Variants in FER observed in about 807,000 individuals in gnomAD.
FER encodes tyrosine-protein kinase Fer.
In FER, 63 loss-of-function variants were observed where a neutral mutation model predicts 111.0. The observed-to-expected ratio is 0.57, with a 90% CI of 0.46 to 0.70. FER has a LOEUF of 0.70. Ranked by LOEUF, FER falls within the 30% of genes least tolerant of loss-of-function variation. The pLI is 0.00. For synonymous variants in FER, 327 were observed against 313.9 expected, an observed-to-expected ratio of 1.04 and a Z score of -0.44; for missense variants, 914 against 954.0, an observed-to-expected ratio of 0.96 and a Z score of 0.55.
intron 5 of FER, among the ~76,000 whole-genome samples, chr5:108,844,988 GTGTGTGTGTATATATATATATATA>G (rs1761730793): frequency 3.1e-5 from 1 of 31,750 alleles, no homozygotes; most frequent in Admixed American, 3.0e-4. Flanking sequence ...TTGCTGGTGT[GTGTGTGTGTATATATATATATATA>G]TATATATATA....
intron 13 of FER, among the ~76,000 whole-genome samples, chr5:109,024,661 C>A (rs1581697101): frequency 6.6e-6 from 1 of 152,248 alleles, no homozygotes; most frequent in East Asian, 1.9e-4. Flanking sequence ...ACCGTCTAAT[C>A]CCCCTTTCTT....
chr5:108,759,869 T>C (rs1233275669), intron 1 of FER, among the ~76,000 whole-genome samples: 1 of 152,156 alleles, frequency 6.6e-6, no homozygotes. Flanking sequence ...AAGTTTTCAA[T>C]ACATGAATTA....
chr5:108,959,327 C>G lies in FER; in HGVS notation c.1636C>G (p.Leu546Val), dbSNP rs747486182. ...CATCACTAAGAAATCAGGTGTAGTTCTGCTGAATCCTATTCCTAAGGTAGG... is the reference window on the plus strand; with the variant it reads ...CATCACTAAGAAATCAGGTGTAGTTGTGCTGAATCCTATTCCTAAGGTAGG... Reference protein sequence around the residue: ...QVITKKSGVVLLNPIPKDKKW... With the variant: ...QVITKKSGVVVLNPIPKDKKW... The change falls in exon 13 of 20, where the codon CTG (leucine) becomes GTG (valine). Residue 546 changes from leucine (L) to valine (V), a missense_variant. Leu to Val is a conservative substitution (Grantham distance 32, BLOSUM62 1). This residue lies in a region of FER where 774 missense variants were observed against 782.6 expected (regional missense o/e 0.99). Transcript: ENST00000281092. 6.2e-7 allele frequency: 1 copy of G among 1,611,098 alleles called. No homozygotes were observed. The highest frequency in any genetic ancestry group is 1.1e-5 in the South Asian group (1 of 90,746).
At chr5:108,940,299 C>T (rs1324007402) in intron 10 of FER, among the ~76,000 whole-genome samples, 3 of 151,854 alleles carry the variant, frequency 2.0e-5, no homozygotes, top group Admixed American at 1.3e-4. Flanking sequence ...TTATGTTTTC[C>T]TGCTTTATAA....
At position 108,959,285 on chromosome 5, in the gene FER, T is replaced by G; in HGVS notation, c.1594T>G (p.Tyr532Asp). ...SNIPQLIDHH[Y>D]TTKQVITKKS... ...CATTCCTCAACTTATAGATCATCAC[T>G]ATACAACAAAACAGGTCATCACTAA... Residue 532 changes from tyrosine (Y) to aspartate (D), a missense_variant, in exon 13 of 20, where the codon TAT becomes GAT. Around this residue, in one of 3 missense-constraint regions of FER, gnomAD observed 774 missense variants for 782.6 expected, o/e 0.99. Coordinates refer to ENST00000281092, the MANE Select transcript of FER (RefSeq NM_005246.4). 1 of 1,612,130 alleles carries G rather than the reference T, an allele frequency of 6.2e-7. No homozygotes were observed. Among genetic ancestry groups the G allele is most frequent in the Non-Finnish European group, 8.5e-7 (1 of 1,178,772 alleles).
intron 3 of FER, among the ~76,000 whole-genome samples, chr5:108,805,915 C>A (rs1302039093): frequency 6.6e-6 from 1 of 152,090 alleles, no homozygotes; most frequent in African/African-American, 2.4e-5. Flanking sequence ...GAGAGAAATT[C>A]AAGAAATTTG....
At chr5:109,151,447 G>GT (rs1166753242) in intron 17 of FER, among the ~76,000 whole-genome samples, 1 of 152,048 alleles carries the variant, frequency 6.6e-6, no homozygotes, top group East Asian at 1.9e-4. Flanking sequence ...TTCACCCAAG[G>GT]TAAAAGATGA....
intron 13 of FER, among the ~76,000 whole-genome samples, chr5:109,007,534 C>G (rs1165464953): frequency 6.6e-6 from 1 of 152,138 alleles, no homozygotes; most frequent in Non-Finnish European, 1.5e-5. Flanking sequence ...AGTATGTGCT[C>G]TTTTCAATTT....
At chr5:108,795,338 C>CT (rs1360090592) in intron 2 of FER, among the ~76,000 whole-genome samples, 1 of 151,714 alleles carries the variant, frequency 6.6e-6, no homozygotes, top group African/African-American at 2.4e-5. Flanking sequence ...AAACTTTCCC[C>CT]TTTTGAGACT....
At chr5:108,871,641 T>A in intron 7 of FER, 139 bp downstream of exon 7, 1 of 598,136 alleles carries the variant, frequency 1.7e-6, no homozygotes, top group Non-Finnish European at 2.6e-6. Context: ...TATCTGCTTT[T>A]AATTTTAAAA....
intron 5 of FER, among the ~76,000 whole-genome samples, chr5:108,865,972 T>G (rs2150230356): frequency 6.6e-6 from 1 of 152,252 alleles, no homozygotes; most frequent in Middle Eastern, 3.4e-3. Flanking sequence ...ATAGGAACAC[T>G]TTTACACTGT....
chr5:109,167,572 T>G (rs560616474), intron 17 of FER, among the ~76,000 whole-genome samples: 1 of 152,330 alleles, frequency 6.6e-6, no homozygotes, highest in Admixed American at 6.5e-5. Flanking sequence ...TTCATTACCA[T>G]TTGTGCCAAA....
chr5:108,786,058 C>T (rs149468391), intron 2 of FER, among the ~76,000 whole-genome samples: 17 of 152,288 alleles, frequency 1.1e-4, no homozygotes, highest in African/African-American at 3.1e-4. Flanking sequence ...TGTGAGTGTG[C>T]AGGTAAACAA....
chr5:108,751,860 T>G (rs1172392616), intron 1 of FER, among the ~76,000 whole-genome samples: 6 of 152,188 alleles, frequency 3.9e-5, no homozygotes, highest in Admixed American at 6.5e-5. Flanking sequence ...TTCACACATT[T>G]GTATATTTGT....
At position 108,993,064 on chromosome 5, in the gene FER, C is replaced by T. The variant is rs541990353; in HGVS notation, c.1656+33717C>T. 1.7e-3 allele frequency among the ~76,000 whole-genome samples: 248 copies of T among 150,142 alleles called. 1 individual carries two copies. The highest frequency in any genetic ancestry group is 5.8e-3 in the African/African-American group (236 of 40,722). ...CTCCTCACTTTCCAGACTGGGCAGC[C>T]AGGCAGAGGGGCTCCTCACCTCCCA... On this transcript the variant is annotated intron_variant, in intron 13 of 19. Coordinates refer to ENST00000281092, the MANE Select transcript of FER (RefSeq NM_005246.4).
At chr5:108,878,696 A>T (rs1765341421) in intron 8 of FER, among the ~76,000 whole-genome samples, 1 of 152,138 alleles carries the variant, frequency 6.6e-6, no homozygotes, top group South Asian at 2.1e-4. Flanking sequence ...CAAACTTACA[A>T]ATACAAAATT....
intron 3 of FER, among the ~76,000 whole-genome samples, chr5:108,799,578 T>C (rs1756407847): frequency 6.6e-6 from 1 of 152,234 alleles, no homozygotes; most frequent in Non-Finnish European, 1.5e-5. Flanking sequence ...CATTTGAATT[T>C]GCATGCAGTA....
At chr5:109,125,528 T>C (rs1353619883) in intron 17 of FER, among the ~76,000 whole-genome samples, 2 of 152,212 alleles carry the variant, frequency 1.3e-5, no homozygotes, top group African/African-American at 2.4e-5. Flanking sequence ...CATCTTTCCC[T>C]CGCCAAACTC....
intron 10 of FER, among the ~76,000 whole-genome samples, chr5:108,899,117 A>T (rs1749625754): frequency 6.6e-6 from 1 of 151,838 alleles, no homozygotes; most frequent in African/African-American, 2.4e-5. Flanking sequence ...CGTATCTGAG[A>T]ATACGGTAAA....
Sources: allele counts gnomAD v4.1 joint callset (sites outside exome capture counted in the v4.1 genomes callset), GRCh38; gene constraint gnomAD v4.1.1; regional missense constraint gnomAD v4.1.1; transcripts MANE v1.5; gene names NCBI Gene and HGNC (gene_info 2026-07-23, HGNC 2026-07-21).